The following LRP1B variants were observed in gnomAD, a reference collection of about 807,000 sequenced individuals.
LRP1B encodes LDL receptor related protein 1B.
In LRP1B, 217 loss-of-function variants were observed where a neutral mutation model predicts 556.6. The ratio of observed to expected loss-of-function variants is 0.39; its 90% confidence interval spans 0.35 to 0.44. The LOEUF (loss-of-function observed/expected upper bound fraction) is 0.44. LRP1B is among the 20% of genes least tolerant of loss of function. The probability of loss-of-function intolerance (pLI) is 1.00; values close to 1 mark genes in which losing one functional copy is unlikely to be tolerated. For synonymous variants in LRP1B, 2,047 were observed against 1,865.8 expected (o/e 1.10, Z -2.50); for missense variants, 5,053 against 5,620.8 (o/e 0.90, Z 3.23).
intron 43 of LRP1B, among the ~76,000 whole-genome samples, chr2:140,560,776 A>G (rs1460085416): frequency 6.6e-6 from 1 of 152,194 alleles, no homozygotes; most frequent in Non-Finnish European, 1.5e-5. Flanking sequence ...CTAATTCTAA[A>G]ATGTATAGGA....
intron 1 of LRP1B, among the ~76,000 whole-genome samples, chr2:142,128,040 T>C (rs1232781844): frequency 2.0e-5 from 3 of 152,080 alleles, no homozygotes; most frequent in East Asian, 3.8e-4. Flanking sequence ...TAGAATGTAA[T>C]AAAAACTTAC....
At chr2:141,937,583 G>A (rs545769428) in intron 1 of LRP1B, among the ~76,000 whole-genome samples, 1 of 151,576 alleles carries the variant, frequency 6.6e-6, no homozygotes, top group East Asian at 1.9e-4. Flanking sequence ...GTGTGTGTAT[G>A]TGTGTGAGTG....
At chr2:141,693,120 C>T (rs1309808657) in intron 2 of LRP1B, among the ~76,000 whole-genome samples, 1 of 152,068 alleles carries the variant, frequency 6.6e-6, no homozygotes, top group Non-Finnish European at 1.5e-5. Flanking sequence ...CATCTTGCTG[C>T]TTTTTCTGTC....
chr2:140,711,137 C>G (rs1179958960), intron 37 of LRP1B, among the ~76,000 whole-genome samples: 1 of 152,028 alleles, frequency 6.6e-6, no homozygotes, highest in African/African-American at 2.4e-5. Flanking sequence ...AGGTTATACT[C>G]ACTTAAACAT....
intron 3 of LRP1B, among the ~76,000 whole-genome samples, chr2:141,366,549 TG>T (rs1689040535): frequency 6.6e-6 from 1 of 152,254 alleles, no homozygotes; most frequent in Non-Finnish European, 1.5e-5. Flanking sequence ...ATTTCCTGTT[TG>T]CATTTTCATG....
At chr2:141,239,263 A>C (rs1573697383) in intron 5 of LRP1B, among the ~76,000 whole-genome samples, 1 of 152,126 alleles carries the variant, frequency 6.6e-6, no homozygotes, top group East Asian at 1.9e-4. Flanking sequence ...TAGTCAACTA[A>C]TTAGGCAATG....
chr2:141,280,905 C>T (rs1405369259), intron 3 of LRP1B, among the ~76,000 whole-genome samples: 2 of 151,846 alleles, frequency 1.3e-5, no homozygotes, highest in African/African-American at 2.4e-5. Flanking sequence ...GTATTCAGGC[C>T]TTAAAATGAC....
At position 141,915,818 on chromosome 2, in the gene LRP1B, CAT is replaced by C. The variant is rs201653525; in HGVS notation, c.83-105419_83-105418del. Among the ~76,000 whole-genome samples the C allele has an allele frequency of 9.7e-3, 1,476 of 152,226 alleles. 14 individuals are homozygous for C. The highest frequency in any genetic ancestry group is 0.015 in the Non-Finnish European group (1,005 of 67,998). ...AAGAGACAGACAAGTGGCCAACAAA[CAT>C]ATAAAAAATGCTCAACATCACTAAT... is the stretch of plus-strand genomic sequence containing the variant. On this transcript the variant is annotated intron_variant, in intron 1 of 90. Coordinates refer to ENST00000389484, the MANE Select transcript of LRP1B (RefSeq NM_018557.3).
chr2:140,260,723 C>T (rs1468516239), intron 86 of LRP1B, among the ~76,000 whole-genome samples: 1 of 151,648 alleles, frequency 6.6e-6, no homozygotes, highest in Non-Finnish European at 1.5e-5. Context: ...ACGCAAATAC[C>T]ATCATCTCAG....
At chr2:141,343,275 C>T (rs528177072) in intron 3 of LRP1B, among the ~76,000 whole-genome samples, 3 of 152,274 alleles carry the variant, frequency 2.0e-5, no homozygotes, top group African/African-American at 7.2e-5. Flanking sequence ...TTTATCTCTA[C>T]TTAACATACC....
chr2:141,864,030 C>T (rs903822441), intron 1 of LRP1B, among the ~76,000 whole-genome samples: 1 of 151,990 alleles, frequency 6.6e-6, no homozygotes, highest in Admixed American at 6.5e-5. Flanking sequence ...ATGAAGACAG[C>T]TGTAAACAAG....
At chr2:141,156,901 C>A (rs75937183) in intron 7 of LRP1B, among the ~76,000 whole-genome samples, 1 of 152,198 alleles carries the variant, frequency 6.6e-6, no homozygotes, top group African/African-American at 2.4e-5. Context: ...AAAACCCCAA[C>A]ATTAGTTATA....
At chr2:141,217,797 T>A (rs1053958710) in intron 6 of LRP1B, among the ~76,000 whole-genome samples, 3 of 151,904 alleles carry the variant, frequency 2.0e-5, no homozygotes, top group African/African-American at 7.3e-5. Flanking sequence ...AACAGACAAC[T>A]TACAGAGTGG....
intron 32 of LRP1B, among the ~76,000 whole-genome samples, chr2:140,803,700 C>T (rs775460057): frequency 2.6e-5 from 4 of 152,012 alleles, no homozygotes; most frequent in Non-Finnish European, 5.9e-5. Flanking sequence ...TTGTGGTATT[C>T]TGGGTATTTC....
chr2:141,954,047 CCTCT>C (rs1030318091), intron 1 of LRP1B, among the ~76,000 whole-genome samples: 3 of 152,006 alleles, frequency 2.0e-5, no homozygotes, highest in African/African-American at 7.2e-5. Flanking sequence ...TACTTCTATA[CCTCT>C]CTCTCTCGGC....
intron 7 of LRP1B, among the ~76,000 whole-genome samples, chr2:141,108,334 C>CTTTTTTTTTTTTTTTT (rs60275697): frequency 4.5e-5 from 4 of 88,514 alleles, no homozygotes; most frequent in African/African-American, 1.9e-4. Context: ...TAATCTGTTT[C>CTTTTTTTTTTTTTTTT]TTTTTTTTTT....
chr2:141,061,130 G>T (rs1699322901), intron 8 of LRP1B, among the ~76,000 whole-genome samples: 1 of 151,688 alleles, frequency 6.6e-6, no homozygotes, highest in African/African-American at 2.4e-5. Context: ...TGGGGCAGTT[G>T]AAGGTGAGAG....
At chr2:140,793,792 G>A (rs1690204811) in intron 32 of LRP1B, among the ~76,000 whole-genome samples, 1 of 151,576 alleles carries the variant, frequency 6.6e-6, no homozygotes, top group Non-Finnish European at 1.5e-5. Context: ...CTTTAAATTG[G>A]ACAGGAAACC....
intron 53 of LRP1B, among the ~76,000 whole-genome samples, chr2:140,506,350 T>TA (rs1441313600): frequency 6.6e-6 from 1 of 152,060 alleles, no homozygotes; most frequent in Non-Finnish European, 1.5e-5. Context: ...GTACAAGCAA[T>TA]TCTCCTGCCT....
Sources: gnomAD v4.1 joint callset for allele counts (sites outside exome capture counted in the v4.1 genomes callset) on GRCh38, gnomAD v4.1.1 for gene constraint, MANE v1.5 for transcripts, NCBI Gene and HGNC (gene_info 2026-07-23, HGNC 2026-07-21) for gene names.